The following INPP4B variants were observed in gnomAD, a reference collection of about 807,000 sequenced individuals.
INPP4B encodes the protein inositol polyphosphate-4-phosphatase type II B.
A neutral mutation model predicts 122.5 loss-of-function variants in INPP4B; 55 were observed. The ratio of observed to expected loss-of-function variants is 0.45; its 90% CI spans 0.36 to 0.56. The LOEUF (loss-of-function observed/expected upper bound fraction) is 0.56. Among genes scored for constraint, INPP4B ranks in the 20% least tolerant of loss-of-function variants. The pLI is 0.00. For synonymous variants in INPP4B, 403 were observed against 388.7 expected (o/e 1.04, Z -0.43); for missense variants, 1,000 against 1,097.7 (o/e 0.91, Z 1.26).
chr4:142,800,060 A>G (rs1469315657), intron 1 of INPP4B, among the ~76,000 whole-genome samples: 2 of 152,082 alleles, frequency 1.3e-5, no homozygotes, highest in Admixed American at 6.6e-5. Flanking sequence ...TCTGAATGCA[A>G]TAATTGGAAA....
chr4:142,531,799 AAGG>A (rs758817781), intron 2 of INPP4B, among the ~76,000 whole-genome samples: 42 of 152,172 alleles, frequency 2.8e-4, no homozygotes, highest in Non-Finnish European at 5.1e-4. Flanking sequence ...TTTCTCAACA[AAGG>A]AGCCAGAATT....
intron 11 of INPP4B, among the ~76,000 whole-genome samples, chr4:142,254,829 A>G (rs977971026): frequency 4.6e-5 from 7 of 152,208 alleles, no homozygotes; most frequent in South Asian, 4.1e-4. Context: ...GCAGGCCAAC[A>G]TTCAGATTCA....
chr4:142,077,574 T>C (rs1481138629), intron 25 of INPP4B, among the ~76,000 whole-genome samples: 1 of 151,974 alleles, frequency 6.6e-6, no homozygotes, highest in African/African-American at 2.4e-5. Flanking sequence ...TAATAGGAAG[T>C]CTGAAAGTTC....
chr4:142,109,307 G>A (rs893968830), intron 22 of INPP4B, among the ~76,000 whole-genome samples: 1 of 152,062 alleles, frequency 6.6e-6, no homozygotes, highest in Non-Finnish European at 1.5e-5. Flanking sequence ...AATGAAAAAT[G>A]AATTCATCTA....
rs1408231259 is a variant in INPP4B, at chr4:142,024,467, T to G, written c.*4315A>C. Reference sequence around the variant, plus strand: ...CTTGTGTTCAATATGTTTCCTTCCCTCTGTAACTGATGATCACAGTTTTTT... The same window carrying G: ...CTTGTGTTCAATATGTTTCCTTCCCGCTGTAACTGATGATCACAGTTTTTT... On this transcript the variant is annotated 3_prime_UTR_variant, in exon 26 of 26. Coordinates refer to ENST00000262992, the MANE Select transcript of INPP4B (RefSeq NM_001101669.3). The G allele has an allele frequency of 6.6e-6, 1 of 152,176 alleles. No individual in the cohort carries two copies. Among genetic ancestry groups the G allele is most frequent in the African/African-American group, 2.4e-5 (1 of 41,444 alleles). 9.4% of individuals were successfully genotyped at this position (152,176 alleles called of 1,614,324 possible). A position where few individuals can be genotyped will look rare whatever the true frequency, so the allele number is the denominator to read the frequency against.
intron 1 of INPP4B, among the ~76,000 whole-genome samples, chr4:142,823,264 A>G (rs1251214472): frequency 2.0e-5 from 3 of 152,182 alleles, no homozygotes; most frequent in African/African-American, 7.2e-5. Flanking sequence ...AACTTTTTGT[A>G]GTAGCATAAT....
intron 23 of INPP4B, 39 bp from the exon 24 acceptor site, chr4:142,086,295 CAG>C (rs1408066946): frequency 1.8e-6 from 2 of 1,135,498 alleles, no homozygotes; most frequent in Non-Finnish European, 2.7e-6. Flanking sequence ...TAAAATGAGA[CAG>C]TGTTCACATT....
At chr4:142,211,428 C>G (rs1561495720) in intron 12 of INPP4B, among the ~76,000 whole-genome samples, 2 of 152,158 alleles carry the variant, frequency 1.3e-5, no homozygotes, top group South Asian at 4.2e-4. Flanking sequence ...GTCAAAAAAC[C>G]TCCTAGATTA....
intron 2 of INPP4B, among the ~76,000 whole-genome samples, chr4:142,693,578 T>C (rs1412647905): frequency 7.0e-6 from 1 of 141,882 alleles, no homozygotes; most frequent in African/African-American, 2.6e-5. Flanking sequence ...GGGTGTCTGC[T>C]TGCATACATT....
intron 2 of INPP4B, among the ~76,000 whole-genome samples, chr4:142,639,052 C>T (rs1749801293): frequency 6.6e-6 from 1 of 152,080 alleles, no homozygotes. Flanking sequence ...GGTTTTTCTC[C>T]TACCTTGCTG....
chr4:142,620,749 A>G (rs1744735729), intron 2 of INPP4B, among the ~76,000 whole-genome samples: 1 of 152,060 alleles, frequency 6.6e-6, no homozygotes, highest in Non-Finnish European at 1.5e-5. Flanking sequence ...CAGAGTCAAA[A>G]GAAAAATTCA....
intron 2 of INPP4B, among the ~76,000 whole-genome samples, chr4:142,525,892 A>G (rs1419423374): frequency 6.6e-6 from 1 of 151,898 alleles, no homozygotes; most frequent in Admixed American, 6.6e-5. Context: ...GACAAATGGG[A>G]TCTAATTAAA....
chr4:142,505,465 T>C (rs1328098222), intron 2 of INPP4B, among the ~76,000 whole-genome samples: 7 of 152,112 alleles, frequency 4.6e-5, no homozygotes, highest in Non-Finnish European at 1.0e-4. Flanking sequence ...ATCCCAGCCC[T>C]GTCACCAACT....
At chr4:142,460,389 C>T (rs1167331594) in intron 3 of INPP4B, among the ~76,000 whole-genome samples, 3 of 152,100 alleles carry the variant, frequency 2.0e-5, no homozygotes, top group East Asian at 1.9e-4. Flanking sequence ...AAAGAGGAAA[C>T]AGTAAAGTTC....
intron 12 of INPP4B, among the ~76,000 whole-genome samples, chr4:142,210,874 T>TG (rs1213811506): frequency 2.0e-5 from 3 of 152,168 alleles, no homozygotes; most frequent in Admixed American, 6.5e-5. Flanking sequence ...TCTGGGATAC[T>TG]GGGGGTGGTG....
At chr4:142,570,866 C>T (rs775010868) in intron 2 of INPP4B, among the ~76,000 whole-genome samples, 1 of 151,822 alleles carries the variant, frequency 6.6e-6, no homozygotes, top group African/African-American at 2.4e-5. Flanking sequence ...CCCACTTTCA[C>T]CCCTAAGACA....
At chr4:142,476,998 T>C (rs935355504) in intron 2 of INPP4B, among the ~76,000 whole-genome samples, 1 of 152,094 alleles carries the variant, frequency 6.6e-6, no homozygotes, top group Non-Finnish European at 1.5e-5. Flanking sequence ...CAAAACATTC[T>C]TCTCATCGGA....
chr4:142,122,802 G>A lies in INPP4B; in HGVS notation c.2017+490C>T, dbSNP rs567558388. ...TTAATAATATATTTTACTTAATCCA[G>A]TATATCCAAAATACCATTTCAATTG... On this transcript the variant is annotated intron_variant, in intron 20 of 25. Transcript: ENST00000262992. Among the ~76,000 whole-genome samples the A allele has an allele frequency of 4.6e-5, 7 of 151,902 alleles. No individual in the cohort carries two copies. In the South Asian group the frequency reaches 1.5e-3, roughly 32 times the overall value.
intron 7 of INPP4B, among the ~76,000 whole-genome samples, chr4:142,359,139 T>A (rs1784567844): frequency 6.6e-6 from 1 of 151,714 alleles, no homozygotes; most frequent in South Asian, 2.1e-4. Flanking sequence ...TGACAGGAAA[T>A]AACCTTTGAG....
Sources: gnomAD v4.1 joint callset for allele counts (sites outside exome capture counted in the v4.1 genomes callset) on GRCh38, gnomAD v4.1.1 for gene constraint, MANE v1.5 for transcripts, NCBI Gene and HGNC (gene_info 2026-07-23, HGNC 2026-07-21) for gene names.